The following NR3C2 variants were observed in gnomAD, a reference collection of about 807,000 sequenced individuals.
NR3C2 encodes the protein nuclear receptor subfamily 3 group C member 2.
Under a neutral mutation model 86.4 loss-of-function variants are expected in NR3C2, and 15 were observed. The ratio of observed to expected loss-of-function variants is 0.17; its 90% CI spans 0.12 to 0.27. The LOEUF is 0.27. Ranked by LOEUF, NR3C2 falls within the 10% of genes least tolerant of loss-of-function variation. The pLI, the probability that NR3C2 is intolerant of heterozygous loss-of-function variation, is 1.00. For synonymous variants in NR3C2, 458 were observed against 450.5 expected (o/e 1.02, Z -0.21); for missense variants, 960 against 1,195.6 (o/e 0.80, Z 2.91).
intron 3 of NR3C2, among the ~76,000 whole-genome samples, chr4:148,245,791 C>G (rs3846321): frequency 1.4e-4 from 21 of 151,826 alleles, no homozygotes; most frequent in Non-Finnish European, 1.5e-5. Context: ...ATACTGTCTT[C>G]GATGAAAATT....
At chr4:148,242,980 A>G (rs1418322790) in intron 3 of NR3C2, among the ~76,000 whole-genome samples, 2 of 151,780 alleles carry the variant, frequency 1.3e-5, no homozygotes, top group African/African-American at 4.8e-5. Context: ...TGGTTACAGG[A>G]CGGTTACTAT....
Position 148,240,856 on chromosome 4 carries a change from G to A in NR3C2, c.1897+19122C>T, listed in dbSNP as rs149004509. 5.5e-3 allele frequency among the ~76,000 whole-genome samples: 845 copies of A among 152,264 alleles called. 4 individuals are homozygous for A. Among genetic ancestry groups the A allele is most frequent in the Non-Finnish European group, 8.5e-3 (577 of 68,014 alleles). ...TAGTTACCTCACCTGGGAAATGGTG[G>A]AAAATGCAGAGCTGCTAAGTGCTGT... is the stretch of plus-strand genomic sequence containing the variant. On this transcript the variant is annotated intron_variant, in intron 3 of 8. Transcript: ENST00000358102.
Position 148,147,125 on chromosome 4 carries a change from GTTAAT to G in NR3C2, c.2510+5339_2510+5343del, listed in dbSNP as rs538168221. Among the ~76,000 whole-genome samples, 367 of 152,298 alleles carry G rather than the reference GTTAAT, an allele frequency of 2.4e-3. 1 individual carries two copies. The highest frequency in any genetic ancestry group is 7.2e-3 in the African/African-American group (299 of 41,568). On this transcript the variant is annotated intron_variant, in intron 6 of 8. Transcript: ENST00000358102. ...GAGTTTATAATAAGAAAAGTTCTAT[GTTAAT>G]TTAAAGTATTAACTAATATCTTCAC...
At chr4:148,193,995 CCTT>C (rs1310492532) in intron 4 of NR3C2, among the ~76,000 whole-genome samples, 2 of 152,150 alleles carry the variant, frequency 1.3e-5, no homozygotes, top group African/African-American at 4.8e-5. Flanking sequence ...TATTTCTTGA[CCTT>C]CTGTTAATCT....
chr4:148,350,125 C>T (rs184970188), intron 2 of NR3C2, among the ~76,000 whole-genome samples: 2 of 152,254 alleles, frequency 1.3e-5, no homozygotes, highest in Admixed American at 1.3e-4. Flanking sequence ...ATTCTACAGG[C>T]CAGGGAATTC....
chr4:148,400,258 G>A (rs1579253308), intron 2 of NR3C2, among the ~76,000 whole-genome samples: 1 of 152,184 alleles, frequency 6.6e-6, no homozygotes. Context: ...ATGAAGTGGG[G>A]AGCTGGGTTG....
At chr4:148,409,692 A>G (rs1748598773) in intron 2 of NR3C2, among the ~76,000 whole-genome samples, 1 of 152,128 alleles carries the variant, frequency 6.6e-6, no homozygotes, top group African/African-American at 2.4e-5. Context: ...AAATATATTA[A>G]AATGAAAATA....
At chr4:148,441,990 G>A (rs781039465) in intron 1 of NR3C2, among the ~76,000 whole-genome samples, 170 bp downstream of exon 1, 8 of 152,212 alleles carry the variant, frequency 5.3e-5, no homozygotes, top group Non-Finnish European at 8.8e-5. Flanking sequence ...GTCCTCTGGC[G>A]GCCAAAGGGG....
intron 3 of NR3C2, among the ~76,000 whole-genome samples, chr4:148,233,596 G>A (rs1738577616): frequency 6.6e-6 from 1 of 152,032 alleles, no homozygotes; most frequent in Admixed American, 6.6e-5. Flanking sequence ...CTGGACTCAA[G>A]CAATCCTCCC....
chr4:148,321,300 A>G (rs554482585), intron 2 of NR3C2, among the ~76,000 whole-genome samples: 39,826 of 145,630 alleles, frequency 0.27, 6,286 homozygotes, highest in East Asian at 0.52. Context: ...ACTTCCAACT[A>G]TGTGGTCAAT....
chr4:148,191,752 TGC>T, intron 4 of NR3C2, among the ~76,000 whole-genome samples: 2 of 152,336 alleles, frequency 1.3e-5, no homozygotes, highest in African/African-American at 4.8e-5. Flanking sequence ...CTGAATTTCT[TGC>T]TTCTACTTGT....
intron 4 of NR3C2, among the ~76,000 whole-genome samples, chr4:148,185,252 A>G (rs1735838380): frequency 6.6e-6 from 1 of 152,246 alleles, no homozygotes; most frequent in Non-Finnish European, 1.5e-5. Context: ...AGTGAGTGAC[A>G]GAGCAATGGC....
intron 4 of NR3C2, among the ~76,000 whole-genome samples, chr4:148,180,404 C>A (rs918047467): frequency 6.1e-5 from 9 of 146,650 alleles, no homozygotes; most frequent in African/African-American, 2.2e-4. Flanking sequence ...TTTAAAAAAT[C>A]TTTTTTCCTC....
At chr4:148,340,424 T>A (rs1744695268) in intron 2 of NR3C2, among the ~76,000 whole-genome samples, 1 of 152,024 alleles carries the variant, frequency 6.6e-6, no homozygotes, top group Admixed American at 6.6e-5. Flanking sequence ...AAAAACTGAG[T>A]AAGTACATGC....
intron 3 of NR3C2, among the ~76,000 whole-genome samples, chr4:148,217,591 T>C (rs527766053): frequency 6.6e-6 from 1 of 152,356 alleles, no homozygotes; most frequent in South Asian, 2.1e-4. Flanking sequence ...GTCCTTCCTC[T>C]TTCCATCTTT....
At chr4:148,260,795 G>A (rs1740058889) in intron 2 of NR3C2, among the ~76,000 whole-genome samples, 1 of 152,106 alleles carries the variant, frequency 6.6e-6, no homozygotes, top group Non-Finnish European at 1.5e-5. Context: ...AGGGCTCTCT[G>A]GGAAACAGTT....
intron 3 of NR3C2, among the ~76,000 whole-genome samples, chr4:148,253,489 T>G (rs935204824): frequency 1.3e-5 from 2 of 152,190 alleles, no homozygotes; most frequent in African/African-American, 4.8e-5. Context: ...TGTTCTAGAC[T>G]TATGTTCTTT....
chr4:148,423,688 A>G (rs1749390875), intron 2 of NR3C2, among the ~76,000 whole-genome samples: 1 of 152,182 alleles, frequency 6.6e-6, no homozygotes, highest in Non-Finnish European at 1.5e-5. Context: ...GTGGGGACTA[A>G]ATAATTTGAA....
At chr4:148,253,064 A>G (rs1406814036) in intron 3 of NR3C2, among the ~76,000 whole-genome samples, 3 of 152,160 alleles carry the variant, frequency 2.0e-5, no homozygotes, top group East Asian at 3.8e-4. Context: ...ACACATCCCT[A>G]TTTCAAATCA....
Sources: gnomAD v4.1 joint callset for allele counts (sites outside exome capture counted in the v4.1 genomes callset) on GRCh38, gnomAD v4.1.1 for gene constraint, MANE v1.5 for transcripts, NCBI Gene and HGNC (gene_info 2026-07-23, HGNC 2026-07-21) for gene names.